The following RBM19 variants were observed in gnomAD, a reference collection of about 807,000 sequenced individuals.
RBM19 encodes the protein RNA binding motif protein 19, also known as probable RNA-binding protein 19.
In RBM19, 94 loss-of-function variants were observed where a neutral mutation model predicts 116.8. The observed-to-expected ratio is 0.80, with a 90% CI of 0.68 to 0.95. The LOEUF (loss-of-function observed/expected upper bound fraction) is 0.95. Among genes scored for constraint, RBM19 ranks in the 40% least tolerant of loss-of-function variants. The probability of loss-of-function intolerance (pLI) is 0.00; values close to 1 mark genes in which losing one functional copy is unlikely to be tolerated. For missense variants in RBM19, 1,161 were observed against 1,220.7 expected (o/e 0.95, Z 0.73); for synonymous variants, 475 against 494.1 (o/e 0.96, Z 0.51).
intron 17 of RBM19, among the ~76,000 whole-genome samples, chr12:113,925,569 C>T (rs1207447433): frequency 6.6e-6 from 1 of 152,214 alleles, no homozygotes; most frequent in Non-Finnish European, 1.5e-5. Flanking sequence ...CTGATCGCTA[C>T]GCATGGCTCT....
rs528022921 is a variant in RBM19, at chr12:113,854,191, C to T, written c.2664+4600G>A. ...CCAGCTGTCAAATGGCCTCCTACCA[C>T]CTATCTCCTAGAGTCCCATGAGGAT... On this transcript the variant is annotated intron_variant, in intron 22 of 23. Coordinates refer to ENST00000261741, the MANE Select transcript of RBM19 (RefSeq NM_016196.4). 2.6e-5 allele frequency among the ~76,000 whole-genome samples: 4 copies of T among 152,272 alleles called. No individual in the cohort carries two copies. In the South Asian group the frequency reaches 8.3e-4, roughly 32 times the overall value.
At chr12:113,875,016 A>G (rs778026608) in intron 21 of RBM19, among the ~76,000 whole-genome samples, 4 of 152,262 alleles carry the variant, frequency 2.6e-5, no homozygotes, top group Non-Finnish European at 5.9e-5. Context: ...GAGCTTCTCA[A>G]GAAAGCCAGG....
At chr12:113,902,425 C>G (rs1455733705) in intron 21 of RBM19, among the ~76,000 whole-genome samples, 2 of 152,044 alleles carry the variant, frequency 1.3e-5, no homozygotes, top group Admixed American at 1.3e-4. Flanking sequence ...ATAGCAAGCC[C>G]TGTCTCTACA....
rs368261611 is a variant in RBM19, at chr12:113,949,023, G to A, written c.1086C>T (p.Ile362=). The A allele has an allele frequency of 2.0e-4, 321 of 1,613,430 alleles. 1 individual carries two copies. In the South Asian group the frequency reaches 3.3e-3, roughly 17 times the overall value. The part of the protein sequence containing the change: ...CNREYMGGRY[I]EVFREKNVPT... Reference sequence around the variant, plus strand: ...GGACGTTCTTTTCCCTGAACACCTCGATGTAGCGCCCACCTGCAATGAAGA... The same window carrying A: ...GGACGTTCTTTTCCCTGAACACCTCAATGTAGCGCCCACCTGCAATGAAGA... Residue 362 remains isoleucine, a synonymous_variant, in exon 10 of 24, where the codon ATC becomes ATT. Coordinates refer to ENST00000261741, the MANE Select transcript of RBM19 (RefSeq NM_016196.4).
intron 16 of RBM19, among the ~76,000 whole-genome samples, chr12:113,927,995 T>C (rs952478578): frequency 6.6e-6 from 1 of 152,212 alleles, no homozygotes; most frequent in African/African-American, 2.4e-5. Context: ...AATTAAGATA[T>C]TAAAAAAGTA....
chr12:113,836,570 G>A (rs1435109430), intron 23 of RBM19, among the ~76,000 whole-genome samples: 1 of 152,084 alleles, frequency 6.6e-6, no homozygotes, highest in East Asian at 1.9e-4. Context: ...CAGAGAGCTC[G>A]AGTCTGGGCG....
intron 21 of RBM19, among the ~76,000 whole-genome samples, chr12:113,910,831 C>T (rs377647845): frequency 1.6e-4 from 25 of 152,302 alleles, no homozygotes; most frequent in African/African-American, 6.0e-4. Flanking sequence ...AAGACCCTCT[C>T]CACCAAACGC....
rs753948201 is a variant in RBM19 at position 113,837,883 on chromosome 12, A to G, written c.2785+6785T>C. On this transcript the variant is annotated intron_variant, in intron 23 of 23. Coordinates refer to ENST00000261741, the MANE Select transcript of RBM19 (RefSeq NM_016196.4). Reference sequence around the variant, plus strand: ...CTTTTAGTGAAAAGATGTATAACAAACTCAATGTTACCACAGGCATTAGCC... The same window carrying G: ...CTTTTAGTGAAAAGATGTATAACAAGCTCAATGTTACCACAGGCATTAGCC... Among the ~76,000 whole-genome samples, 4 of 152,214 alleles carry G rather than the reference A, an allele frequency of 2.6e-5. No individual in the cohort carries two copies. The East Asian group carries it at 7.7e-4, about 29-fold the overall frequency.
chr12:113,962,427 G>A lies in RBM19; in HGVS notation c.37-13C>T, dbSNP rs776954952. 4.3e-6 allele frequency: 7 copies of A among 1,609,770 alleles called. No individual in the cohort carries two copies. The highest frequency in any genetic ancestry group is 5.1e-6 in the Non-Finnish European group (6 of 1,176,424). On this transcript the variant is annotated splice_polypyrimidine_tract_variant and intron_variant, in intron 1 of 23. Coordinates refer to ENST00000261741, the MANE Select transcript of RBM19 (RefSeq NM_016196.4). ...GCTCCTCCTTCATCTAGGACAGAGG[G>A]AAAGGAATGAGAGACGAACTGGAAA...
chr12:113,838,833 G>A (rs1465691682), intron 23 of RBM19, among the ~76,000 whole-genome samples: 2 of 152,190 alleles, frequency 1.3e-5, no homozygotes, highest in Admixed American at 6.5e-5. Flanking sequence ...CCAGGGGCAG[G>A]GGCACTCAAG....
intron 2 of RBM19, among the ~76,000 whole-genome samples, 180 bp downstream of exon 2, chr12:113,962,052 A>T (rs530278457): frequency 1.1e-3 from 168 of 152,380 alleles, no homozygotes; most frequent in Non-Finnish European, 2.0e-3. Context: ...GGGCCCAGGA[A>T]GCTGTTATAA....
At chr12:113,845,878 A>G (rs1876922447) in intron 22 of RBM19, among the ~76,000 whole-genome samples, 1 of 152,210 alleles carries the variant, frequency 6.6e-6, no homozygotes, top group Non-Finnish European at 1.5e-5. Flanking sequence ...CGCAGGTCCT[A>G]ACTTGAAGAT....
intron 21 of RBM19, among the ~76,000 whole-genome samples, chr12:113,886,197 A>C (rs1880504915): frequency 6.6e-6 from 1 of 152,096 alleles, no homozygotes; most frequent in Non-Finnish European, 1.5e-5. Flanking sequence ...CAGTGGCGTA[A>C]CCACAGCTCA....
intron 21 of RBM19, among the ~76,000 whole-genome samples, chr12:113,913,345 TG>T (rs1238301651): frequency 6.6e-6 from 1 of 152,008 alleles, no homozygotes; most frequent in Non-Finnish European, 1.5e-5. Flanking sequence ...GAGGGACGAC[TG>T]ATCAGTCGAG....
In RBM19 at chr12:113,914,949, A is replaced by G. The variant is rs769519087; in HGVS notation, c.2558+20T>C. 6.2e-7 allele frequency: 1 copy of G among 1,600,986 alleles called. No individual in the cohort carries two copies. Among genetic ancestry groups the G allele is most frequent in the Admixed American group, 1.7e-5 (1 of 60,012 alleles). ...CCCCGCCCACACGCCAGTCCCCTGG[A>G]CTAAACCTGAAGTTCTCACCTGAAG... On this transcript the variant is annotated intron_variant, in intron 21 of 23. Transcript: ENST00000261741.
chr12:113,958,644 A>G (rs1230845862), intron 5 of RBM19, among the ~76,000 whole-genome samples: 3 of 152,148 alleles, frequency 2.0e-5, no homozygotes, highest in African/African-American at 7.2e-5. Flanking sequence ...TAACTGCACT[A>G]AATGTACATC....
At chr12:113,936,663 A>C (rs932812160) in intron 16 of RBM19, among the ~76,000 whole-genome samples, 1 of 152,218 alleles carries the variant, frequency 6.6e-6, no homozygotes, top group Non-Finnish European at 1.5e-5. Flanking sequence ...CATGAGAATA[A>C]GTATCTCCCA....
chr12:113,874,488 G>A (rs1490662095), intron 21 of RBM19, among the ~76,000 whole-genome samples: 9 of 152,196 alleles, frequency 5.9e-5, no homozygotes, highest in Non-Finnish European at 4.4e-5. Context: ...CTCCCAGGAC[G>A]CATGTGAGAC....
intron 16 of RBM19, among the ~76,000 whole-genome samples, chr12:113,929,302 C>CT: frequency 6.6e-6 from 1 of 152,324 alleles, no homozygotes; most frequent in Non-Finnish European, 1.5e-5. Flanking sequence ...TAAAACAACC[C>CT]TTTTAAGCCC....
Sources: gnomAD v4.1 joint callset for allele counts (sites outside exome capture counted in the v4.1 genomes callset) on GRCh38, gnomAD v4.1.1 for gene constraint, MANE v1.5 for transcripts, NCBI Gene and HGNC (gene_info 2026-07-23, HGNC 2026-07-21) for gene names.